Variants in PHF2 observed in about 807,000 individuals in gnomAD.
The protein encoded by PHF2 is lysine-specific demethylase PHF2.
Under a neutral mutation model 120.5 loss-of-function variants are expected in PHF2, and 27 were observed. That is an observed-to-expected ratio of 0.22 (90% CI 0.17 to 0.31). PHF2 has a LOEUF of 0.31. Among genes scored for constraint, PHF2 ranks in the 10% least tolerant of loss-of-function variants. PHF2 has a pLI of 1.00. For synonymous variants in PHF2, 568 were observed against 592.5 expected (o/e 0.96, Z 0.60); for missense variants, 1,024 against 1,434.8 (o/e 0.71, Z 4.63).
intron 1 of PHF2, among the ~76,000 whole-genome samples, chr9:93,579,825 C>T (rs373102289): frequency 6.6e-6 from 1 of 152,192 alleles, no homozygotes; most frequent in East Asian, 1.9e-4. Flanking sequence ...GCAGCTTTGG[C>T]GGCAGCCGAG....
rs796170726 is a variant in PHF2, at chr9:93,635,861, C to T, written c.185-550C>T. ...GTGGGGTAGACAGGCCCAGGGTTGGCGGTGGTCAGGGGAGGGCTGGAGTGT... is the reference window on the plus strand; with the variant it reads ...GTGGGGTAGACAGGCCCAGGGTTGGTGGTGGTCAGGGGAGGGCTGGAGTGT... On this transcript the variant is annotated intron_variant, in intron 2 of 21. Transcript: ENST00000359246. Among the ~76,000 whole-genome samples, 19 of 152,090 alleles carry T rather than the reference C, an allele frequency of 1.2e-4. 1 individual carries two copies. Among genetic ancestry groups the T allele is most frequent in the African/African-American group, 4.3e-4 (18 of 41,504 alleles).
At chr9:93,594,831 A>C (rs1329845062) in intron 1 of PHF2, 1 of 152,626 alleles carries the variant, frequency 6.6e-6, no homozygotes, top group African/African-American at 2.4e-5. Context: ...AGATGTTATT[A>C]GGTTGGTACA....
chr9:93,653,406 CA>C, intron 6 of PHF2, 41 bp downstream of exon 6: 2 of 1,593,454 alleles, frequency 1.3e-6, no homozygotes, highest in South Asian at 2.2e-5. Context: ...TTGCCATGGC[CA>C]TGACCCATCT....
intron 17 of PHF2, among the ~76,000 whole-genome samples, chr9:93,668,653 T>C (rs1026969619): frequency 2.0e-5 from 3 of 152,096 alleles, no homozygotes; most frequent in Non-Finnish European, 4.4e-5. Flanking sequence ...CTCAGGTCTG[T>C]GAGGAGGCGC....
Position 93,660,220 on chromosome 9 carries a change from T to G in PHF2, c.1358T>G (p.Val453Gly), listed in dbSNP as rs1270000828. 1 of 1,584,866 alleles carries G rather than the reference T, an allele frequency of 6.3e-7. No individual in the cohort carries two copies. Among genetic ancestry groups the G allele is most frequent in the Non-Finnish European group, 8.5e-7 (1 of 1,169,646 alleles). The change falls in exon 12 of 22, where the codon GTG becomes GGG. Residue 453 changes from valine to glycine, a missense_variant. Val to Gly is a moderately radical substitution (Grantham distance 109). Around this residue, in one of 2 missense-constraint regions of PHF2, gnomAD observed 677 missense variants for 857.4 expected, o/e 0.79. Coordinates refer to ENST00000359246, the MANE Select transcript of PHF2 (RefSeq NM_005392.4). ...GCCTCCAAAGCCGTCCGACCGGAAG[T>G]GAATACTGTCGCCTCGTCAGATGAG... ...ENASKAVRPE[V>G]NTVASSDEVC...
chr9:93,585,606 A>T (rs1449581047), intron 1 of PHF2, among the ~76,000 whole-genome samples: 1 of 152,208 alleles, frequency 6.6e-6, no homozygotes, highest in Non-Finnish European at 1.5e-5. Flanking sequence ...GACAAACATG[A>T]GGATCTGATT....
chr9:93,591,845 AGATGCTTGGCC>A (rs1484923738), intron 1 of PHF2, among the ~76,000 whole-genome samples: 4 of 152,216 alleles, frequency 2.6e-5, no homozygotes, highest in Non-Finnish European at 4.4e-5. Context: ...CCTCAACCCC[AGATGCTTGGCC>A]GTTGCTCGGG....
chr9:93,634,475 C>T (rs1483550092), intron 2 of PHF2, among the ~76,000 whole-genome samples: 1 of 152,200 alleles, frequency 6.6e-6, no homozygotes, highest in Non-Finnish European at 1.5e-5. Context: ...TTGGGTAACA[C>T]CTGCTCCAGC....
At chr9:93,660,624 C>T (rs2117992514) in intron 12 of PHF2, 64 bp downstream of exon 12, 5 of 1,430,732 alleles carry the variant, frequency 3.5e-6, no homozygotes, top group East Asian at 2.4e-5. Context: ...CTCTTGTGGG[C>T]CAGTCCCATG....
chr9:93,591,863 C>T (rs1376622403), intron 1 of PHF2, among the ~76,000 whole-genome samples: 2 of 152,214 alleles, frequency 1.3e-5, no homozygotes, highest in Admixed American at 1.3e-4. Flanking sequence ...GGCCGTTGCT[C>T]GGGGACCTAG....
chr9:93,639,604 TC>T (rs1188243496), intron 3 of PHF2, among the ~76,000 whole-genome samples: 1 of 152,120 alleles, frequency 6.6e-6, no homozygotes, highest in African/African-American at 2.4e-5. Context: ...ACCTCCAATA[TC>T]ACCTTGAATA....
rs368630398 is a variant in PHF2, at chr9:93,636,422, C to T, written c.196C>T (p.Arg66Trp). Residue 66 changes from arginine to tryptophan, a missense_variant, in exon 3 of 22, where the codon CGG becomes TGG. By Grantham distance (101) the Arg-to-Trp change is moderately radical. This residue lies in a region of PHF2 where 347 missense variants were observed against 577.4 expected (regional missense o/e 0.60). Transcript: ENST00000359246. The stretch of plus-strand genomic sequence containing the variant: ...GGTCTCCTCCACAGTAAAGAAGAAG[C>T]GGACCTGGCACAAACACGGCCCGGG... ...THGKSTLKKKRTWHKHGPGQA... is the reference protein window; with the variant it reads ...THGKSTLKKKWTWHKHGPGQA... 8.1e-6 allele frequency: 13 copies of T among 1,606,252 alleles called. No homozygotes were observed. Among genetic ancestry groups the T allele is most frequent in the Non-Finnish European group, 9.3e-6 (11 of 1,176,622 alleles).
intron 14 of PHF2, 87 bp from the exon 15 acceptor site, chr9:93,665,599 C>T: frequency 1.4e-6 from 2 of 1,451,794 alleles, no homozygotes; most frequent in Non-Finnish European, 1.9e-6. Context: ...CTGCCGCGGC[C>T]CTGGCAGAGG....
At chr9:93,595,859 T>C (rs562336438) in intron 1 of PHF2, among the ~76,000 whole-genome samples, 18 of 152,358 alleles carry the variant, frequency 1.2e-4, no homozygotes, top group Non-Finnish European at 1.9e-4. Context: ...CTATAATCCC[T>C]GAGTGGGCAA....
chr9:93,628,886 C>T (rs894584351), intron 1 of PHF2, among the ~76,000 whole-genome samples: 2 of 152,136 alleles, frequency 1.3e-5, no homozygotes, highest in Admixed American at 6.6e-5. Context: ...GTTACAGATG[C>T]CCATTCTCAC....
intron 17 of PHF2, chr9:93,671,023 A>G: frequency 1.2e-5 from 12 of 970,752 alleles, no homozygotes; most frequent in Non-Finnish European, 1.5e-5. Flanking sequence ...GTCTATGTTC[A>G]GGTGGGTGCA....
At chr9:93,588,764 G>T (rs1256629659) in intron 1 of PHF2, among the ~76,000 whole-genome samples, 1 of 152,140 alleles carries the variant, frequency 6.6e-6, no homozygotes, top group Admixed American at 6.5e-5. Flanking sequence ...GTTGGTGGGT[G>T]CCTGTAATCC....
At chr9:93,645,872 C>T (rs569426670) in intron 4 of PHF2, 83 bp downstream of exon 4, 95 of 1,435,044 alleles carry the variant, frequency 6.6e-5, no homozygotes, top group African/African-American at 5.1e-4. Context: ...TGTTTCCCCA[C>T]GCCCTGGCTG....
rs1826453501 is a variant in PHF2, at chr9:93,656,037, C to T, written c.1040+16C>T. Reference sequence around the variant, plus strand: ...TGCAGATGAGGTAGTGCCTGCCGCGCTGTCTGCCCTCGGGCTCCGCAGAGC... The same window carrying T: ...TGCAGATGAGGTAGTGCCTGCCGCGTTGTCTGCCCTCGGGCTCCGCAGAGC... On this transcript the variant is annotated intron_variant, in intron 8 of 21. Coordinates refer to ENST00000359246, the MANE Select transcript of PHF2 (RefSeq NM_005392.4). The surrounding 1 kb of genome is among the most constrained non-coding windows in gnomAD (Gnocchi z 4.1). 1 of 1,605,238 alleles carries T rather than the reference C, an allele frequency of 6.2e-7. No individual in the cohort carries two copies. The highest frequency in any genetic ancestry group is 2.2e-5 in the East Asian group (1 of 44,556).
Sources: allele counts gnomAD v4.1 joint callset (sites outside exome capture counted in the v4.1 genomes callset), GRCh38; gene constraint gnomAD v4.1.1; regional missense constraint gnomAD v4.1.1; non-coding constraint Gnocchi (gnomAD v3.1); transcripts MANE v1.5; gene names NCBI Gene and HGNC (gene_info 2026-07-23, HGNC 2026-07-21).